The following SRRM3 variants were observed in gnomAD, a reference collection of about 807,000 sequenced individuals.
SRRM3 encodes serine/arginine repetitive matrix protein 3.
In SRRM3, 27 loss-of-function variants were observed where a neutral mutation model predicts 66.2. The ratio of observed to expected loss-of-function variants is 0.41; its 90% confidence interval spans 0.30 to 0.56. The LOEUF (loss-of-function observed/expected upper bound fraction) is 0.56, where lower values mean the gene tolerates loss of function less well. SRRM3 is among the 20% of genes least tolerant of loss of function. The probability of loss-of-function intolerance (pLI) is 0.32; values close to 1 mark genes in which losing one functional copy is unlikely to be tolerated. For synonymous variants in SRRM3, 391 were observed against 414.9 expected (o/e 0.94, Z 0.70); for missense variants, 918 against 991.9 (o/e 0.93, Z 1.00).
intron 8 of SRRM3, among the ~76,000 whole-genome samples, chr7:76,263,806 G>A (rs1461217440): frequency 6.9e-6 from 1 of 144,484 alleles, no homozygotes; most frequent in African/African-American, 2.7e-5. Flanking sequence ...CTGCAAGGTG[G>A]AGGTTGCAGT....
chr7:76,207,407 A>G (rs1323071497), intron 1 of SRRM3, among the ~76,000 whole-genome samples: 2 of 152,230 alleles, frequency 1.3e-5, no homozygotes, highest in Non-Finnish European at 2.9e-5. Context: ...AACTATCAGT[A>G]GTTCCACCAC....
intron 1 of SRRM3, among the ~76,000 whole-genome samples, chr7:76,214,893 GC>G (rs1554602337): frequency 6.6e-6 from 1 of 152,000 alleles, no homozygotes; most frequent in Admixed American, 6.6e-5. Flanking sequence ...ACAGACATGA[GC>G]CACTGTGCCC....
intron 10 of SRRM3, 47 bp downstream of exon 10, chr7:76,265,515 T>C: frequency 2.0e-6 from 3 of 1,505,562 alleles, no homozygotes; most frequent in Non-Finnish European, 2.7e-6. Flanking sequence ...GGGATGAGGG[T>C]TGCAGATTAA....
In SRRM3 at chr7:76,264,858, T is replaced by G. The variant is rs781968586; in HGVS notation, c.725+43T>G. ...TCTCCAGCCCCCCATTCGTTCTCCC[T>G]CCCGCCCCAGCAAACTACGCCTTTT... On this transcript the variant is annotated intron_variant, in intron 9 of 14. Transcript: ENST00000611745. 9 of 1,599,446 alleles carry G rather than the reference T, an allele frequency of 5.6e-6. No homozygotes were observed. The South Asian group carries it at 1.0e-4, about 18-fold the overall frequency.
intron 5 of SRRM3, among the ~76,000 whole-genome samples, chr7:76,260,512 G>A (rs1801836364): frequency 5.8e-5 from 2 of 34,490 alleles, no homozygotes; most frequent in Admixed American, 4.3e-4. Flanking sequence ...TCTAGGACCC[G>A]CCCCTCATCG....
At position 76,203,996 on chromosome 7, in the gene SRRM3, C is replaced by T. The variant is rs868942570; in HGVS notation, c.-40+1929C>T. On this transcript the variant is annotated intron_variant, in intron 1 of 14. Transcript: ENST00000611745. ...ACCGGCCAGCGGGGTGCCTCTACCC[C>T]GTCACACCTGCCAAAGGGGGGGTCT... Among the ~76,000 whole-genome samples, 17 of 152,060 alleles carry T rather than the reference C, an allele frequency of 1.1e-4. 1 individual carries two copies. The highest frequency in any genetic ancestry group is 2.1e-4 in the South Asian group (1 of 4,820).
intron 3 of SRRM3, among the ~76,000 whole-genome samples, chr7:76,251,136 C>G (rs1801571278): frequency 6.6e-6 from 1 of 152,216 alleles, no homozygotes; most frequent in African/African-American, 2.4e-5. Context: ...GAGCCCTGCC[C>G]ATGGCGGTCA....
intron 1 of SRRM3, among the ~76,000 whole-genome samples, chr7:76,232,196 G>C (rs782305541): frequency 9.9e-5 from 15 of 152,124 alleles, no homozygotes; most frequent in Non-Finnish European, 2.1e-4. Flanking sequence ...CCTCAGCCCA[G>C]GGGGAGCCAG....
At chr7:76,229,035 A>G (rs1214575718) in intron 1 of SRRM3, among the ~76,000 whole-genome samples, 2 of 151,462 alleles carry the variant, frequency 1.3e-5, no homozygotes, top group African/African-American at 2.4e-5. Flanking sequence ...AGTAGCTGGG[A>G]CGACAGGCAC....
At chr7:76,221,883 C>G (rs550116864) in intron 1 of SRRM3, among the ~76,000 whole-genome samples, 1 of 152,334 alleles carries the variant, frequency 6.6e-6, no homozygotes, top group East Asian at 1.9e-4. Context: ...TAACAGCTAA[C>G]ACTTAATGCA....
At position 76,251,575 on chromosome 7, in the gene SRRM3, G is replaced by A. The variant is rs560926098; in HGVS notation, c.335+3286G>A. The stretch of plus-strand genomic sequence containing the variant: ...ATTTTCAGTAGAGACGGGGTTTCAC[G>A]GTGTTAGCCAGGATGGTCCCGATCT... On this transcript the variant is annotated intron_variant, in intron 3 of 14. Coordinates refer to ENST00000611745, the MANE Select transcript of SRRM3 (RefSeq NM_001110199.3). Among the ~76,000 whole-genome samples the A allele has an allele frequency of 4.3e-4, 66 of 151,904 alleles. 1 individual carries two copies. The South Asian group carries it at 0.013, about 30-fold the overall frequency.
chr7:76,280,729 G>A (rs1802474645), intron 11 of SRRM3, among the ~76,000 whole-genome samples: 1 of 151,618 alleles, frequency 6.6e-6, no homozygotes, highest in South Asian at 2.1e-4. Context: ...CCCCCGGCTC[G>A]GGCCCGGTGA....
intron 3 of SRRM3, among the ~76,000 whole-genome samples, chr7:76,253,575 C>T (rs782263615): frequency 9.9e-5 from 15 of 151,474 alleles, no homozygotes; most frequent in Admixed American, 2.6e-4. Context: ...GAACCGAGAT[C>T]GTGCCACTGC....
Position 76,285,889 on chromosome 7 carries a change from G to C in SRRM3, c.*46G>C. 6.6e-7 allele frequency: 1 copy of C among 1,513,690 alleles called. No individual in the cohort carries two copies. The highest frequency in any genetic ancestry group is 8.9e-7 in the Non-Finnish European group (1 of 1,125,678). 93.8% of individuals were successfully genotyped at this position (1,513,690 alleles called of 1,614,324 possible). ...GTGCCCCCCTGGCACTGGGAGAGGC[G>C]AGGGGCGGGCCCCAGGACCCCAGTG... On this transcript the variant is annotated 3_prime_UTR_variant, in exon 15 of 15. Coordinates refer to ENST00000611745, the MANE Select transcript of SRRM3 (RefSeq NM_001110199.3). The surrounding 1 kb of genome is among the most constrained non-coding windows in gnomAD (Gnocchi z 4.1).
At chr7:76,224,738 C>A (rs1554603576) in intron 1 of SRRM3, among the ~76,000 whole-genome samples, 1 of 152,124 alleles carries the variant, frequency 6.6e-6, no homozygotes, top group African/African-American at 2.4e-5. Context: ...TGCTGAGTGA[C>A]CGCCTACACA....
chr7:76,263,781 G>A (rs1043040109), intron 8 of SRRM3, among the ~76,000 whole-genome samples: 7 of 146,368 alleles, frequency 4.8e-5, no homozygotes, highest in African/African-American at 1.5e-4. Flanking sequence ...GCTGAGGCAT[G>A]AGAATTGCTT....
intron 14 of SRRM3, chr7:76,283,444 C>G (rs1802583365): frequency 2.0e-6 from 1 of 493,866 alleles, no homozygotes; most frequent in South Asian, 1.7e-5. Context: ...GCAAGAGTCC[C>G]GCCATCCCTC....
At position 76,285,038 on chromosome 7, in the gene SRRM3, G is replaced by A. The variant is rs150992708; in HGVS notation, c.1734-577G>A. On this transcript the variant is annotated intron_variant, in intron 14 of 14. Transcript: ENST00000611745. The surrounding 1 kb of genome is among the most constrained non-coding windows in gnomAD (Gnocchi z 4.1). ...CACGCCAGCTTGGGTGATGGGAGCT[G>A]TCCACATTTGCAAGTTTCATTCATT... is the stretch of plus-strand genomic sequence containing the variant. Among the ~76,000 whole-genome samples the A allele has an allele frequency of 3.3e-5, 5 of 152,252 alleles. No homozygotes were observed. Among genetic ancestry groups the A allele is most frequent in the Non-Finnish European group, 5.9e-5 (4 of 68,010 alleles).
At chr7:76,272,718 GGT>G (rs1802244388) in intron 11 of SRRM3, among the ~76,000 whole-genome samples, 1 of 152,174 alleles carries the variant, frequency 6.6e-6, no homozygotes, top group Admixed American at 6.5e-5. Flanking sequence ...GACACCCTTA[GGT>G]GAGGGTGGCA....
Sources: gnomAD v4.1 joint callset for allele counts (sites outside exome capture counted in the v4.1 genomes callset) on GRCh38, gnomAD v4.1.1 for gene constraint, Gnocchi (gnomAD v3.1) non-coding constraint, MANE v1.5 for transcripts, NCBI Gene and HGNC (gene_info 2026-07-23, HGNC 2026-07-21) for gene names.